Variants in FRS2 observed in about 807,000 individuals in gnomAD.
FRS2 encodes fibroblast growth factor receptor substrate 2.
In FRS2, 8 loss-of-function variants were observed where a neutral mutation model predicts 43.9. That is an observed-to-expected ratio of 0.18 (90% CI 0.11 to 0.33). The LOEUF (loss-of-function observed/expected upper bound fraction) is 0.33. Among genes scored for constraint, FRS2 ranks in the 10% least tolerant of loss-of-function variants. FRS2 has a pLI of 1.00. For missense variants in FRS2, 534 were observed against 627.6 expected (o/e 0.85, Z 1.59); for synonymous variants, 219 against 220.3 (o/e 0.99, Z 0.05).
intron 2 of FRS2, among the ~76,000 whole-genome samples, chr12:69,531,335 G>GAA (rs11380565): frequency 2.1e-4 from 30 of 140,736 alleles, no homozygotes; most frequent in South Asian, 6.5e-4. Context: ...GTCTCAAAAA[G>GAA]AAAAAAAAAA....
At chr12:69,560,878 C>T (rs1565775473) in intron 3 of FRS2, among the ~76,000 whole-genome samples, 1 of 152,114 alleles carries the variant, frequency 6.6e-6, no homozygotes, top group African/African-American at 2.4e-5. Context: ...CATTTCAAAG[C>T]TTATGACTTT....
chr12:69,522,198 G>GTC (rs1162180277), intron 1 of FRS2, among the ~76,000 whole-genome samples: 1 of 109,074 alleles, frequency 9.2e-6, no homozygotes, highest in Non-Finnish European at 2.2e-5. Flanking sequence ...CTTTGTGTGT[G>GTC]TGTGTGTGTG....
At chr12:69,524,419 G>A (rs1216873015) in intron 1 of FRS2, among the ~76,000 whole-genome samples, 1 of 152,084 alleles carries the variant, frequency 6.6e-6, no homozygotes, top group East Asian at 1.9e-4. Flanking sequence ...GGCACAGGCA[G>A]CCTGGTGTGT....
At chr12:69,556,143 C>T (rs1593047691) in intron 3 of FRS2, among the ~76,000 whole-genome samples, 1 of 152,170 alleles carries the variant, frequency 6.6e-6, no homozygotes, top group Non-Finnish European at 1.5e-5. Context: ...TCAAGCAATC[C>T]TCCTGCCTCA....
At chr12:69,484,853 AAAC>A (rs1227630344) in intron 1 of FRS2, among the ~76,000 whole-genome samples, 1 of 152,164 alleles carries the variant, frequency 6.6e-6, no homozygotes, top group Non-Finnish European at 1.5e-5. Context: ...AAAAATAACA[AAAC>A]AACAAGAAAA....
intron 1 of FRS2, among the ~76,000 whole-genome samples, chr12:69,511,457 T>A (rs1266328743): frequency 6.6e-6 from 1 of 152,164 alleles, no homozygotes; most frequent in Non-Finnish European, 1.5e-5. Context: ...TGTACAGAAG[T>A]GTGTGTAGAA....
intron 3 of FRS2, among the ~76,000 whole-genome samples, chr12:69,549,627 T>C (rs1878700191): frequency 1.3e-5 from 2 of 152,226 alleles, no homozygotes; most frequent in Non-Finnish European, 1.5e-5. Flanking sequence ...TTTGTTCCAT[T>C]TGCATAGACT....
chr12:69,504,115 G>T (rs1873712659), intron 1 of FRS2, among the ~76,000 whole-genome samples: 1 of 152,198 alleles, frequency 6.6e-6, no homozygotes, highest in South Asian at 2.1e-4. Flanking sequence ...ACAGAGAACA[G>T]GAGACATCTC....
At chr12:69,479,390 C>CTT (rs57688271) in intron 1 of FRS2, among the ~76,000 whole-genome samples, 7 of 119,698 alleles carry the variant, frequency 5.8e-5, no homozygotes, top group South Asian at 2.7e-4. Flanking sequence ...TCTGTTGTTT[C>CTT]TTTTTTTTTT....
At chr12:69,521,679 G>A (rs1215815993) in intron 1 of FRS2, among the ~76,000 whole-genome samples, 1 of 151,822 alleles carries the variant, frequency 6.6e-6, no homozygotes, top group African/African-American at 2.4e-5. Flanking sequence ...GCAGTGGTGC[G>A]ATTTGGCTCA....
intron 1 of FRS2, among the ~76,000 whole-genome samples, chr12:69,502,225 C>T (rs1006604249): frequency 1.2e-4 from 19 of 152,140 alleles, no homozygotes; most frequent in African/African-American, 1.4e-4. Context: ...CTTGGCCTCC[C>T]AAAGTGCTGG....
intron 1 of FRS2, among the ~76,000 whole-genome samples, chr12:69,510,472 A>G (rs538617846): frequency 1.6e-4 from 25 of 152,308 alleles, no homozygotes; most frequent in Non-Finnish European, 3.2e-4. Flanking sequence ...GGCCCATGAT[A>G]GATAATAAAT....
chr12:69,475,564 C>T (rs1870687194), intron 1 of FRS2, among the ~76,000 whole-genome samples: 1 of 152,152 alleles, frequency 6.6e-6, no homozygotes, highest in Non-Finnish European at 1.5e-5. Flanking sequence ...ATTGTTATAC[C>T]ACTGGAAGAA....
At chr12:69,567,162 A>ATC (rs76323613) in intron 4 of FRS2, among the ~76,000 whole-genome samples, 2,069 of 151,364 alleles carry the variant, frequency 0.014, 48 homozygotes, top group African/African-American at 0.046. Context: ...ATCTATTTAC[A>ATC]TCTCTCTCTC....
chr12:69,541,995 A>T (rs1877953664), intron 3 of FRS2, among the ~76,000 whole-genome samples: 1 of 152,052 alleles, frequency 6.6e-6, no homozygotes, highest in African/African-American at 2.4e-5. Context: ...TTATTTCTCC[A>T]TTTTCAGAAT....
chr12:69,536,614 C>G (rs1237071809), intron 3 of FRS2, among the ~76,000 whole-genome samples: 1 of 145,350 alleles, frequency 6.9e-6, no homozygotes, highest in African/African-American at 2.6e-5. Context: ...AGATCTCACT[C>G]TGTTGCCCAG....
At position 69,579,721 on chromosome 12, in the gene FRS2, A is replaced by T. The variant is rs1881430249; in HGVS notation, c.*4766A>T. 6.6e-6 allele frequency: 1 copy of T among 152,204 alleles called. No homozygotes were observed. The allele number at this position is 152,204 out of a possible 1,614,324, so 9.4% of individuals were successfully genotyped here. A position where few individuals can be genotyped will look rare whatever the true frequency, so the allele number is the denominator to read the frequency against. ...TCTGATTGGAGTTCTTTTCATGCTC[A>T]CTTTCCCCTTATTGCTGAAAGTAGA... is the stretch of plus-strand genomic sequence containing the variant. On this transcript the variant is annotated 3_prime_UTR_variant, in exon 9 of 9. Transcript: ENST00000549921.
At chr12:69,475,193 G>A (rs929784918) in intron 1 of FRS2, among the ~76,000 whole-genome samples, 1 of 152,212 alleles carries the variant, frequency 6.6e-6, no homozygotes, top group African/African-American at 2.4e-5. Flanking sequence ...GCTTAGAGTT[G>A]TAACTTTTTG....
chr12:69,534,385 A>G (rs998608694), intron 3 of FRS2, among the ~76,000 whole-genome samples: 1 of 152,240 alleles, frequency 6.6e-6, no homozygotes, highest in Non-Finnish European at 1.5e-5. Flanking sequence ...AACAAAATTC[A>G]GAATAGGTTG....
Sources: gnomAD v4.1 joint callset for allele counts (sites outside exome capture counted in the v4.1 genomes callset) on GRCh38, gnomAD v4.1.1 for gene constraint, MANE v1.5 for transcripts, NCBI Gene and HGNC (gene_info 2026-07-23, HGNC 2026-07-21) for gene names.